Variants in VPS9D1 observed in about 807,000 individuals in gnomAD.
VPS9D1 encodes the protein VPS9 domain containing 1.
Under a neutral mutation model 75.8 loss-of-function variants are expected in VPS9D1, and 78 were observed. That is an observed-to-expected ratio of 1.03 (90% CI 0.86 to 1.24). VPS9D1 has a LOEUF of 1.24. VPS9D1 is among the 50% of genes most tolerant of loss of function. VPS9D1 has a pLI of 0.00. For synonymous variants in VPS9D1, 481 were observed against 385.6 expected, an observed-to-expected ratio of 1.25 and a Z score of -2.90; for missense variants, 1,057 against 847.7, an observed-to-expected ratio of 1.25 and a Z score of -3.07.
intron 4 of VPS9D1, among the ~76,000 whole-genome samples, chr16:89,714,498 T>C (rs2061015430): frequency 6.6e-6 from 1 of 152,170 alleles, no homozygotes; most frequent in Non-Finnish European, 1.5e-5. Context: ...TCAGGGACAA[T>C]GGAGGACAAG....
At chr16:89,709,132 A>C in intron 12 of VPS9D1, 95 bp downstream of exon 12, 2 of 1,521,326 alleles carry the variant, frequency 1.3e-6, no homozygotes, top group Non-Finnish European at 1.8e-6. Context: ...CCCCACCGGC[A>C]CGTGACAAGA....
chr16:89,720,597 G>A, intron 1 of VPS9D1, 166 bp downstream of exon 1: 23 of 1,225,900 alleles, frequency 1.9e-5, no homozygotes, highest in Non-Finnish European at 2.3e-5. Flanking sequence ...CTGCACGCCC[G>A]GCTGCGCCCC....
Position 89,710,910 on chromosome 16 carries a change from C to A in VPS9D1, c.934G>T (p.Gly312Cys). The A allele has an allele frequency of 6.7e-7, 1 of 1,491,898 alleles. No homozygotes were observed. Among genetic ancestry groups the A allele is most frequent in the Non-Finnish European group, 8.9e-7 (1 of 1,125,704 alleles). The allele number at this position is 1,491,898 out of a possible 1,614,324, so 92.4% of individuals were successfully genotyped here. A position where few individuals can be genotyped will look rare whatever the true frequency, so the allele number is the denominator to read the frequency against. The change falls in exon 10 of 15, where the codon GGC (glycine) becomes TGC (cysteine). Residue 312 changes from glycine to cysteine, a missense_variant. Physicochemically the swap from Gly to Cys is radical, Grantham distance 159. Coordinates refer to ENST00000389386, the MANE Select transcript of VPS9D1 (RefSeq NM_004913.3). ...AVSRAAAPAP[G>C]CCPPTPNPGS... ...GGGTTGGGGGTCGGGGGGCAGCAGC[C>A]TGGGGCTGGCGCGGCTGCTCTGCTC...
At position 89,719,027 on chromosome 16, in the gene VPS9D1, C is replaced by CT; in HGVS notation, c.174dup (p.Glu59ArgfsTer60). 2 of 1,613,034 alleles carry CT rather than the reference C, an allele frequency of 1.2e-6. No homozygotes were observed. The highest frequency in any genetic ancestry group is 1.7e-6 in the Non-Finnish European group (2 of 1,179,734). The stretch of plus-strand genomic sequence containing the variant: ...CCGCGCCCGGCTGGCTGAGCCGTAC[C>CT]TTTAGTGGTTTCCACTTCTTCTAGT... On this transcript the variant is annotated frameshift_variant and splice_region_variant, in exon 2 of 15. Coordinates refer to ENST00000389386, the MANE Select transcript of VPS9D1 (RefSeq NM_004913.3). LOFTEE classifies it high-confidence loss of function.
intron 13 of VPS9D1, 40 bp downstream of exon 13, chr16:89,708,817 C>T (rs1477832076): frequency 1.3e-6 from 2 of 1,528,772 alleles, no homozygotes; most frequent in Admixed American, 2.3e-5. Context: ...CTTTCTAGGG[C>T]CCTTCCTCCC....
chr16:89,715,018 C>A (rs1023260155), intron 4 of VPS9D1, among the ~76,000 whole-genome samples: 1 of 152,164 alleles, frequency 6.6e-6, no homozygotes, highest in Non-Finnish European at 1.5e-5. Flanking sequence ...GGAACTCCAA[C>A]GAACACGTTA....
chr16:89,711,304 G>A (rs774448031), intron 9 of VPS9D1, 23 bp downstream of exon 9: 28 of 1,593,782 alleles, frequency 1.8e-5, no homozygotes, highest in Non-Finnish European at 2.4e-5. Flanking sequence ...CAGGGGCTCT[G>A]TGGGGCCTGA....
intron 13 of VPS9D1, 57 bp from the exon 14 acceptor site, chr16:89,708,588 C>T (rs1218655717): frequency 2.6e-6 from 4 of 1,543,294 alleles, no homozygotes; most frequent in Non-Finnish European, 3.5e-6. Flanking sequence ...ACTCCGCAAA[C>T]CCAGCAGCTG....
At chr16:89,715,956 C>A (rs896996513) in intron 4 of VPS9D1, among the ~76,000 whole-genome samples, 1 of 150,578 alleles carries the variant, frequency 6.6e-6, no homozygotes, top group Non-Finnish European at 1.5e-5. Context: ...GGATTACAGG[C>A]GTGAGCCACC....
At position 89,710,809 on chromosome 16, in the gene VPS9D1, C is replaced by T; in HGVS notation, c.1035G>A (p.Arg345=). The change falls in exon 10 of 15, where the codon CGG becomes CGA. Residue 345 remains arginine (R), a synonymous_variant. Coordinates refer to ENST00000389386, the MANE Select transcript of VPS9D1 (RefSeq NM_004913.3). ...LSPPEPSAAP[R]PQDSPPTPPL... ...GGGGCGTGGGGGGACTGTCCTGGGG[C>T]CGCGGGGCTGCGCTGGGCTCGGGCG... 3 of 1,541,836 alleles carry T rather than the reference C, an allele frequency of 1.9e-6. No homozygotes were observed. Among genetic ancestry groups the T allele is most frequent in the Non-Finnish European group, 2.6e-6 (3 of 1,140,774 alleles).
intron 2 of VPS9D1, 34 bp from the exon 3 acceptor site, chr16:89,716,856 G>A: frequency 6.5e-7 from 1 of 1,547,468 alleles, no homozygotes; most frequent in Non-Finnish European, 8.7e-7. Context: ...GTCACAGTCG[G>A]CTCTACCACT....
At chr16:89,717,451 A>G (rs973666050) in intron 2 of VPS9D1, 9 of 412,306 alleles carry the variant, frequency 2.2e-5, no homozygotes, top group Non-Finnish European at 3.5e-5. Context: ...GTAGCTTGGC[A>G]TGGAGCACCT....
Position 89,720,756 on chromosome 16 carries a change from G to C in VPS9D1, c.99+7C>G, listed in dbSNP as rs1224742453. 2.1e-6 allele frequency: 3 copies of C among 1,443,766 alleles called. No individual in the cohort carries two copies. In the Admixed American group the frequency reaches 7.5e-5, roughly 36 times the overall value. 89.4% of individuals were successfully genotyped at this position (1,443,766 alleles called of 1,614,324 possible). A position where few individuals can be genotyped will look rare whatever the true frequency, so the allele number is the denominator to read the frequency against. On this transcript the variant is annotated splice_region_variant and intron_variant, in intron 1 of 14. Transcript: ENST00000389386. ...AGCGGCCAAGCCCCGCCCCCGCCCCGCCTCACCCGGGGCCGGTTGCCGGTG... is the reference window on the plus strand; with the variant it reads ...AGCGGCCAAGCCCCGCCCCCGCCCCCCCTCACCCGGGGCCGGTTGCCGGTG...
At chr16:89,712,974 C>T in intron 4 of VPS9D1, 4 of 312,588 alleles carry the variant, frequency 1.3e-5, no homozygotes, top group Non-Finnish European at 2.4e-5. Context: ...CACCTGAGGT[C>T]AGGAGTTCGA....
chr16:89,718,965 C>T (rs2061162799), intron 2 of VPS9D1, 62 bp downstream of exon 2: 6 of 1,444,700 alleles, frequency 4.2e-6, no homozygotes, highest in Non-Finnish European at 5.8e-6. Context: ...TAGCCCGCCT[C>T]TGCCTCCCAC....
At chr16:89,710,527 G>C in intron 10 of VPS9D1, 59 bp downstream of exon 10, 1 of 1,515,006 alleles carries the variant, frequency 6.6e-7, no homozygotes, top group Middle Eastern at 1.8e-4. Context: ...AGCTTGAAAC[G>C]GACCAATAAG....
At chr16:89,711,176 G>A (rs2060908974) in intron 9 of VPS9D1, 151 bp downstream of exon 9, 3 of 1,145,902 alleles carry the variant, frequency 2.6e-6, no homozygotes, top group South Asian at 1.6e-5. Flanking sequence ...AGAAGCCGAG[G>A]AAACGCCCTC....
At position 89,711,902 on chromosome 16, in the gene VPS9D1, G is replaced by T. The variant is rs765842632; in HGVS notation, c.727C>A (p.Leu243Met). 2.3e-5 allele frequency: 35 copies of T among 1,551,224 alleles called. No individual in the cohort carries two copies. Among genetic ancestry groups the T allele is most frequent in the Non-Finnish European group, 2.8e-5 (32 of 1,147,048 alleles). ...REQRALYAAI[L>M]EYEQDHDWPK... ...CGCACATGGTCCTGTTCGTACTCCAGGATGGCGGCGTAAAGGGCCCGCTGC... is the reference window on the plus strand; with the variant it reads ...CGCACATGGTCCTGTTCGTACTCCATGATGGCGGCGTAAAGGGCCCGCTGC... Residue 243 changes from leucine (L) to methionine (M), a missense_variant, in exon 8 of 15, where the codon CTG (leucine) becomes ATG (methionine). By Grantham distance (15) the Leu-to-Met change is conservative. Transcript: ENST00000389386.
chr16:89,711,576 C>G (rs1373364488), intron 8 of VPS9D1, 164 bp from the exon 9 acceptor site: 3 of 696,064 alleles, frequency 4.3e-6, no homozygotes, highest in Non-Finnish European at 7.1e-6. Flanking sequence ...CCCACCCACA[C>G]CCGAGGGAAA....
Sources: gnomAD v4.1 joint callset for allele counts (sites outside exome capture counted in the v4.1 genomes callset) on GRCh38, gnomAD v4.1.1 for gene constraint, MANE v1.5 for transcripts, NCBI Gene and HGNC (gene_info 2026-07-23, HGNC 2026-07-21) for gene names.